PTPRE: variants seen among roughly 807,000 people sequenced by gnomAD.
PTPRE encodes receptor-type tyrosine-protein phosphatase epsilon.
PTPRE carries 51 observed loss-of-function variants against 102.0 expected under a neutral mutation model. The ratio of observed to expected loss-of-function variants is 0.50; its 90% CI spans 0.40 to 0.63. PTPRE has a LOEUF of 0.63. Ranked by LOEUF, PTPRE falls within the 30% of genes least tolerant of loss-of-function variation. The probability of loss-of-function intolerance (pLI) is 0.00; values close to 1 mark genes in which losing one functional copy is unlikely to be tolerated. For synonymous variants in PTPRE, 345 were observed against 348.2 expected (o/e 0.99, Z 0.10); for missense variants, 752 against 915.1 (o/e 0.82, Z 2.30).
At chr10:127,989,041 G>A (rs750773495) in intron 2 of PTPRE, among the ~76,000 whole-genome samples, 2 of 152,136 alleles carry the variant, frequency 1.3e-5, no homozygotes, top group Non-Finnish European at 2.9e-5. Flanking sequence ...GGCTGTTTCA[G>A]TTCTAACAAC....
At chr10:128,050,032 A>G (rs868078547) in intron 6 of PTPRE, among the ~76,000 whole-genome samples, 4 of 152,142 alleles carry the variant, frequency 2.6e-5, no homozygotes, top group South Asian at 4.1e-4. Flanking sequence ...CAGAGCCCCA[A>G]ACCATCCTTT....
intron 1 of PTPRE, among the ~76,000 whole-genome samples, chr10:127,946,201 C>T (rs12415467): frequency 0.1 from 15,745 of 152,166 alleles, 1,257 homozygotes; most frequent in African/African-American, 0.21. Context: ...CTTCCTTCTT[C>T]TGAATCTTCC....
chr10:128,060,634 A>G (rs1017128482), intron 7 of PTPRE, among the ~76,000 whole-genome samples: 1 of 152,110 alleles, frequency 6.6e-6, no homozygotes, highest in Non-Finnish European at 1.5e-5. Context: ...ACATTCTGCT[A>G]TTCTTGCTAT....
At chr10:127,921,305 C>A (rs1338731503) in intron 1 of PTPRE, among the ~76,000 whole-genome samples, 4 of 152,158 alleles carry the variant, frequency 2.6e-5, no homozygotes. Context: ...GAACTGGAGG[C>A]CCAGATAGGG....
Position 128,070,052 on chromosome 10 carries a change from C to T in PTPRE, c.1143+225C>T. 2.8e-6 allele frequency: 2 copies of T among 710,722 alleles called. No homozygotes were observed. The highest frequency in any genetic ancestry group is 3.7e-5 in the South Asian group (2 of 53,548). The allele number at this position is 710,722 out of a possible 1,614,324, so 44.0% of individuals were successfully genotyped here. A position where few individuals can be genotyped will look rare whatever the true frequency, so the allele number is the denominator to read the frequency against. On this transcript the variant is annotated intron_variant, in intron 13 of 20. Transcript: ENST00000254667. This position sits in a 1 kb window ranked among gnomAD's most constrained non-coding sequence, Gnocchi z 4.8. The stretch of plus-strand genomic sequence containing the variant: ...TCATGTGAGATGGGGCAATCCTACT[C>T]CCCCAAACGGTGCATGTACACAGTG...
intron 2 of PTPRE, among the ~76,000 whole-genome samples, chr10:128,012,301 C>T (rs1328442707): frequency 6.6e-6 from 1 of 152,228 alleles, no homozygotes; most frequent in Admixed American, 6.5e-5. Flanking sequence ...CAATAAAATG[C>T]TCCAGGATAG....
At chr10:128,049,927 C>T (rs1298451154) in intron 6 of PTPRE, among the ~76,000 whole-genome samples, 3 of 152,152 alleles carry the variant, frequency 2.0e-5, no homozygotes, top group African/African-American at 7.2e-5. Flanking sequence ...GTGTCAAGTT[C>T]TAAAATCAAC....
At chr10:128,081,531 C>G (rs181888111) in intron 20 of PTPRE, among the ~76,000 whole-genome samples, 1 of 152,328 alleles carries the variant, frequency 6.6e-6, no homozygotes, top group Admixed American at 6.5e-5. Context: ...AATTAGTGAT[C>G]GTCTCCATTT....
chr10:127,939,866 GCAGGAGGAGA>G (rs1848101871), intron 1 of PTPRE, among the ~76,000 whole-genome samples: 1 of 151,660 alleles, frequency 6.6e-6, no homozygotes, highest in Non-Finnish European at 1.5e-5. Flanking sequence ...GCAGGTGGAG[GCAGGAGGAGA>G]CAGGAGGAAG....
intron 1 of PTPRE, among the ~76,000 whole-genome samples, chr10:127,932,771 G>A (rs1192833981): frequency 1.3e-5 from 2 of 151,494 alleles, no homozygotes; most frequent in African/African-American, 2.4e-5. Context: ...TCTGCTCATC[G>A]TCTCACTTGA....
chr10:128,068,447 C>A, intron 12 of PTPRE, 161 bp downstream of exon 12: 1 of 735,496 alleles, frequency 1.4e-6, no homozygotes, highest in Non-Finnish European at 2.0e-6. Flanking sequence ...CCCCAAGAAC[C>A]CTACAGGAGA....
At chr10:127,973,715 A>G (rs1850933959) in intron 1 of PTPRE, among the ~76,000 whole-genome samples, 1 of 151,866 alleles carries the variant, frequency 6.6e-6, no homozygotes, top group Admixed American at 6.6e-5. Context: ...ATATTTTCTT[A>G]GTCTCTCGCT....
At chr10:127,940,735 A>G (rs572904463) in intron 1 of PTPRE, among the ~76,000 whole-genome samples, 1 of 152,272 alleles carries the variant, frequency 6.6e-6, no homozygotes, top group Admixed American at 6.5e-5. Flanking sequence ...CCTTGAACTC[A>G]CAGGCTCAAG....
intron 1 of PTPRE, among the ~76,000 whole-genome samples, chr10:127,926,679 A>T (rs895471733): frequency 2.6e-5 from 4 of 152,042 alleles, no homozygotes; most frequent in Non-Finnish European, 4.4e-5. Context: ...CATGGTGGCC[A>T]CAGGAAAGGA....
intron 17 of PTPRE, among the ~76,000 whole-genome samples, chr10:128,075,527 G>C (rs1006849416): frequency 3.3e-5 from 5 of 150,172 alleles, no homozygotes; most frequent in African/African-American, 1.2e-4. Flanking sequence ...TCTTGTACAT[G>C]TCTTATGCTG....
chr10:128,011,646 T>C (rs1172642581), intron 2 of PTPRE, among the ~76,000 whole-genome samples: 1 of 152,264 alleles, frequency 6.6e-6, no homozygotes, highest in Non-Finnish European at 1.5e-5. Context: ...TGCAAAGTTA[T>C]AACACCATTT....
intron 11 of PTPRE, among the ~76,000 whole-genome samples, chr10:128,067,218 A>ACC (rs1850258938): frequency 6.6e-6 from 1 of 150,468 alleles, no homozygotes; most frequent in Non-Finnish European, 1.5e-5. Flanking sequence ...ACACACATTC[A>ACC]CATGCACACA....
At chr10:128,039,984 C>G (rs1175818808) in intron 2 of PTPRE, among the ~76,000 whole-genome samples, 1 of 152,162 alleles carries the variant, frequency 6.6e-6, no homozygotes, top group African/African-American at 2.4e-5. Flanking sequence ...GAGGTGATGG[C>G]CCACAGGTCC....
At chr10:128,073,190 T>A (rs1850933226) in intron 16 of PTPRE, 147 bp from the exon 17 acceptor site, 3 of 1,080,462 alleles carry the variant, frequency 2.8e-6, no homozygotes, top group Non-Finnish European at 3.9e-6. Flanking sequence ...TGTGCCTGAG[T>A]GCTCGTGCCA....
Sources: gnomAD v4.1 joint callset for allele counts (sites outside exome capture counted in the v4.1 genomes callset) on GRCh38, gnomAD v4.1.1 for gene constraint, Gnocchi (gnomAD v3.1) non-coding constraint, MANE v1.5 for transcripts, NCBI Gene and HGNC (gene_info 2026-07-23, HGNC 2026-07-21) for gene names.